UBE2Z: variants seen among roughly 807,000 people sequenced by gnomAD.
UBE2Z encodes the protein ubiquitin conjugating enzyme E2 Z, also known as ubiquitin-conjugating enzyme E2 Z.
A neutral mutation model predicts 32.6 loss-of-function variants in UBE2Z; 10 were observed. That is an observed-to-expected ratio of 0.31 (90% CI 0.19 to 0.52). The LOEUF (loss-of-function observed/expected upper bound fraction) is 0.52, where lower values mean the gene tolerates loss of function less well. Among genes scored for constraint, UBE2Z ranks in the 20% least tolerant of loss-of-function variants. UBE2Z has a pLI of 0.97. For synonymous variants in UBE2Z, 183 were observed against 190.8 expected, an observed-to-expected ratio of 0.96 and a Z score of 0.34; for missense variants, 343 against 480.9, an observed-to-expected ratio of 0.71 and a Z score of 2.68.
At chr17:48,910,679 C>G in intron 1 of UBE2Z, 129 bp from the exon 2 acceptor site, 2 of 748,186 alleles carry the variant, frequency 2.7e-6, no homozygotes, top group South Asian at 3.0e-5. Flanking sequence ...AGTACAAACA[C>G]TTGCGGTACC....
In UBE2Z at chr17:48,912,884, C is replaced by T; in HGVS notation, c.441C>T (p.Phe147=). 6.2e-7 allele frequency: 1 copy of T among 1,613,852 alleles called. No homozygotes were observed. The highest frequency in any genetic ancestry group is 8.5e-7 in the Non-Finnish European group (1 of 1,179,870). The change falls in exon 3 of 7, where the codon TTC becomes TTT. Residue 147 remains phenylalanine, a synonymous_variant. Transcript: ENST00000360943. ...TTGACACTCCTTATGAAGGGGGTTTCTTCCTGTTCGTGTTTCGGTGTCCGC... is the reference window on the plus strand; with the variant it reads ...TTGACACTCCTTATGAAGGGGGTTTTTTCCTGTTCGTGTTTCGGTGTCCGC... ...GPFDTPYEGG[F]FLFVFRCPPD...
Position 48,908,685 on chromosome 17 carries a change from G to A in UBE2Z, c.182G>A (p.Gly61Asp). Residue 61 changes from glycine to aspartate, a missense_variant, in exon 1 of 7, where the codon GGC becomes GAC. Coordinates refer to ENST00000360943, the MANE Select transcript of UBE2Z (RefSeq NM_023079.5). ...AAGGAGGPGS[G>D]LAPLPGLPPS... is the part of the protein sequence containing the mutation. The stretch of plus-strand genomic sequence containing the variant: ...GGCGGGGCCGGGGGCCCGGGGAGCG[G>A]CCTGGCTCCGCTGCCCGGGCTCCCG... 3 of 1,265,002 alleles carry A rather than the reference G, an allele frequency of 2.4e-6. No homozygotes were observed. The highest frequency in any genetic ancestry group is 2.7e-5 in the South Asian group (1 of 37,726). The allele number at this position is 1,265,002 out of a possible 1,614,324, so 78.4% of individuals were successfully genotyped here.
chr17:48,909,769 C>T (rs2040662406), intron 1 of UBE2Z, among the ~76,000 whole-genome samples: 1 of 152,126 alleles, frequency 6.6e-6, no homozygotes, highest in African/African-American at 2.4e-5. Flanking sequence ...ACCTGTTTGA[C>T]TTCTCCCCAT....
In UBE2Z at chr17:48,916,127, C is replaced by T. The variant is rs2040717557; in HGVS notation, c.630C>T (p.Leu210=). 9 of 1,590,414 alleles carry T rather than the reference C, an allele frequency of 5.7e-6. No individual in the cohort carries two copies. The highest frequency in any genetic ancestry group is 4.7e-5 in the East Asian group (2 of 42,642). The change falls in exon 4 of 7, where the codon CTC becomes CTT. Residue 210 remains leucine (L), a synonymous_variant. Coordinates refer to ENST00000360943, the MANE Select transcript of UBE2Z (RefSeq NM_023079.5). Reference sequence around the variant, plus strand: ...CAGCCCAGAGCATCTCCTCAGTGCTCATCTCTATCCAGTCCCTGATGACTG... The same window carrying T: ...CAGCCCAGAGCATCTCCTCAGTGCTTATCTCTATCCAGTCCCTGATGACTG... ...WSPAQSISSV[L]ISIQSLMTEN...
At chr17:48,926,364 A>T (rs1196563071) in intron 6 of UBE2Z, among the ~76,000 whole-genome samples, 1 of 152,038 alleles carries the variant, frequency 6.6e-6, no homozygotes, top group Non-Finnish European at 1.5e-5. Flanking sequence ...TCTCATTCCT[A>T]TCTATCTCAC....
chr17:48,912,940 A>G lies in UBE2Z; in HGVS notation c.497A>G (p.Lys166Arg). 2 of 1,613,926 alleles carry G rather than the reference A, an allele frequency of 1.2e-6. No homozygotes were observed. The highest frequency in any genetic ancestry group is 1.7e-6 in the Non-Finnish European group (2 of 1,179,890). The change falls in exon 3 of 7, where the codon AAA becomes AGA. Residue 166 changes from lysine (K) to arginine (R), a missense_variant. This residue lies in a region of UBE2Z where 182 missense variants were observed against 312.4 expected (regional missense o/e 0.58). Transcript: ENST00000360943. ...TATCCCATCCACCCACCTCGGGTCA[A>G]ACTGATGACAACGGGCAATAACACA... The part of the protein sequence containing the change: ...PDYPIHPPRV[K>R]LMTTGNNTVR...
chr17:48,914,845 A>AC (rs1256509905), intron 3 of UBE2Z, among the ~76,000 whole-genome samples: 1 of 151,948 alleles, frequency 6.6e-6, no homozygotes, highest in Non-Finnish European at 1.5e-5. Context: ...GCCTGGCGAA[A>AC]CCCCGTCTCT....
chr17:48,923,892 A>G (rs2040780418), intron 6 of UBE2Z, among the ~76,000 whole-genome samples: 1 of 152,044 alleles, frequency 6.6e-6, no homozygotes, highest in South Asian at 2.1e-4. Flanking sequence ...CACCACAGCT[A>G]GTTTTTGTTT....
At chr17:48,908,875 G>GC (rs1279435271) in intron 1 of UBE2Z, 55 bp downstream of exon 1, 23 of 1,166,056 alleles carry the variant, frequency 2.0e-5, no homozygotes, top group Middle Eastern at 3.2e-4. Flanking sequence ...GACCTTCCCC[G>GC]CCCCCCACCC....
Position 48,923,115 on chromosome 17 carries a change from A to C in UBE2Z, c.894+178A>C, listed in dbSNP as rs1567780319. ...GGCGGGCGGATCACGAGGTCGGGAA[A>C]TTGAGACCATCCTGGCTAACACGGT... On this transcript the variant is annotated intron_variant, in intron 6 of 6. Transcript: ENST00000360943. 6 of 474,534 alleles carry C rather than the reference A, an allele frequency of 1.3e-5. No individual in the cohort carries two copies. In the Admixed American group the frequency reaches 1.4e-4, roughly 11 times the overall value. The allele number at this position is 474,534 out of a possible 1,614,324, so 29.4% of individuals were successfully genotyped here.
At chr17:48,910,098 T>C (rs922226761) in intron 1 of UBE2Z, among the ~76,000 whole-genome samples, 4 of 152,158 alleles carry the variant, frequency 2.6e-5, no homozygotes, top group African/African-American at 9.7e-5. Flanking sequence ...GTCCCTAGGC[T>C]TTTCGCCACC....
chr17:48,922,605 C>T (rs529738920), intron 5 of UBE2Z, among the ~76,000 whole-genome samples: 214 of 151,066 alleles, frequency 1.4e-3, no homozygotes, highest in African/African-American at 5.0e-3. Flanking sequence ...CCCGTCTCTA[C>T]TAAAAACAAA....
At position 48,921,202 on chromosome 17, in the gene UBE2Z, C is replaced by T. The variant is rs1232589217; in HGVS notation, c.733C>T (p.Arg245Trp). ...CAGCAAAAACTATAATGAATGTATC[C>T]GGCACGAGACCATCAGAGTTGCAGT... Reference protein sequence around the residue: ...GDSKNYNECIRHETIRVAVCD... With the variant: ...GDSKNYNECIWHETIRVAVCD... Residue 245 changes from arginine to tryptophan, a missense_variant, in exon 5 of 7, where the codon CGG becomes TGG. Around this residue, in one of 4 missense-constraint regions of UBE2Z, gnomAD observed 182 missense variants for 312.4 expected, o/e 0.58. Transcript: ENST00000360943. The T allele has an allele frequency of 5.6e-6, 9 of 1,612,454 alleles. No homozygotes were observed. The highest frequency in any genetic ancestry group is 1.3e-5 in the African/African-American group (1 of 74,850).
chr17:48,926,941 C>A, intron 6 of UBE2Z, 23 bp from the exon 7 acceptor site: 1 of 1,603,374 alleles, frequency 6.2e-7, no homozygotes, highest in Non-Finnish European at 8.5e-7. Context: ...AATCTTCCAT[C>A]CCCTTGTCTC....
At position 48,911,138 on chromosome 17, in the gene UBE2Z, A is replaced by G. The variant is rs968643182; in HGVS notation, c.390+258A>G. 32 of 474,296 alleles carry G rather than the reference A, an allele frequency of 6.7e-5. No individual in the cohort carries two copies. In the East Asian group the frequency reaches 9.7e-4, roughly 14 times the overall value. 29.4% of individuals were successfully genotyped at this position (474,296 alleles called of 1,614,324 possible). ...TCATGTCTGTTGTCGCAGCTTGACT[A>G]TTTATAGGGCATTCTTTCACTCTCA... is the stretch of plus-strand genomic sequence containing the variant. On this transcript the variant is annotated intron_variant, in intron 2 of 6. Transcript: ENST00000360943.
intron 2 of UBE2Z, chr17:48,912,624 G>T (rs1598071830): frequency 1.8e-6 from 1 of 546,708 alleles, no homozygotes; most frequent in Non-Finnish European, 3.2e-6. Flanking sequence ...TGAGTAAGAT[G>T]TCATTCCACT....
intron 6 of UBE2Z, among the ~76,000 whole-genome samples, chr17:48,924,853 A>AAT (rs1555581210): frequency 6.6e-6 from 1 of 150,852 alleles, no homozygotes; most frequent in African/African-American, 2.4e-5. Flanking sequence ...CTCAAAAAAA[A>AAT]AAAAAAAAAA....
intron 4 of UBE2Z, among the ~76,000 whole-genome samples, chr17:48,916,988 C>A (rs1199644502): frequency 6.7e-6 from 1 of 148,886 alleles, no homozygotes; most frequent in Non-Finnish European, 1.5e-5. Context: ...GGGTAAGGAG[C>A]GAAACTCGGT....
chr17:48,925,938 A>T (rs955492780), intron 6 of UBE2Z, among the ~76,000 whole-genome samples: 1 of 152,178 alleles, frequency 6.6e-6, no homozygotes, highest in African/African-American at 2.4e-5. Flanking sequence ...AAAGTTGTGT[A>T]CCTTTTGGGG....
Sources: allele counts gnomAD v4.1 joint callset (sites outside exome capture counted in the v4.1 genomes callset), GRCh38; gene constraint gnomAD v4.1.1; regional missense constraint gnomAD v4.1.1; transcripts MANE v1.5; gene names NCBI Gene and HGNC (gene_info 2026-07-23, HGNC 2026-07-21).